ERCC6: variants seen among roughly 807,000 people sequenced by gnomAD.
ERCC6 encodes ERCC excision repair 6, chromatin remodeling factor, also known as DNA excision repair protein ERCC-6.
A neutral mutation model predicts 158.7 loss-of-function variants in ERCC6; 116 were observed. The observed-to-expected ratio is 0.73, with a 90% CI of 0.63 to 0.85. ERCC6 has a LOEUF of 0.85. ERCC6 is among the 40% of genes least tolerant of loss of function. ERCC6 has a pLI of 0.00. For missense variants in ERCC6, 1,698 were observed against 1,799.4 expected (o/e 0.94, Z 1.02); for synonymous variants, 678 against 659.3 (o/e 1.03, Z -0.43).
chr10:49,494,946 A>G (rs1008318628), intron 7 of ERCC6, among the ~76,000 whole-genome samples: 2 of 152,202 alleles, frequency 1.3e-5, no homozygotes, highest in African/African-American at 4.8e-5. Context: ...TAGGTGTACC[A>G]TACATTTGTG....
At chr10:49,525,246 A>G (rs138444551) in intron 4 of ERCC6, 1,943 of 185,184 alleles carry the variant, frequency 0.01, 41 homozygotes, top group African/African-American at 0.044. Flanking sequence ...AAAAACATAA[A>G]TGTCAGCTCT....
In ERCC6 at chr10:49,505,980, T is replaced by C. The variant is rs1418941816; in HGVS notation, c.1430A>G (p.Glu477Gly). Residue 477 changes from glutamate to glycine, a missense_variant, in exon 6 of 21, where the codon GAG becomes GGG. Physicochemically the swap from Glu to Gly is moderately conservative, Grantham distance 98. Transcript: ENST00000355832. ...ATCGTCCTCCAGCTTCAGACGTTTC[T>C]CTTTGTCCTGCAGTCTCAGTTTATT... ...RWNKLRLQDKEKRLKLEDDSE... is the reference protein window; with the variant it reads ...RWNKLRLQDKGKRLKLEDDSE... The C allele has an allele frequency of 1.2e-6, 2 of 1,613,498 alleles. No homozygotes were observed. Among genetic ancestry groups the C allele is most frequent in the East Asian group, 4.5e-5 (2 of 44,862 alleles).
chr10:49,451,880 G>A (rs1292776417), downstream of ERCC6, among the ~76,000 whole-genome samples: 1 of 152,094 alleles, frequency 6.6e-6, no homozygotes, highest in Non-Finnish European at 1.5e-5. Flanking sequence ...TTCTTTGTGG[G>A]CAATTTTCTG....
At chr10:49,536,935 A>G (rs1176757191) in intron 1 of ERCC6, among the ~76,000 whole-genome samples, 4 of 152,226 alleles carry the variant, frequency 2.6e-5, no homozygotes, top group South Asian at 4.1e-4. Flanking sequence ...TGGAAATGGG[A>G]GAAAGGGTTC....
chr10:49,497,563 T>C (rs894557007), intron 7 of ERCC6, among the ~76,000 whole-genome samples: 2 of 152,192 alleles, frequency 1.3e-5, no homozygotes, highest in African/African-American at 4.8e-5. Flanking sequence ...TCCCCCTTAG[T>C]AGAAAAAATT....
chr10:49,445,411 C>A, the ERCC6 span, among the ~76,000 whole-genome samples: 8 of 152,168 alleles, frequency 5.3e-5, no homozygotes, highest in African/African-American at 1.9e-4. Context: ...TGTAGATGAT[C>A]TTTGGTATAT....
intron 5 of ERCC6, chr10:49,506,570 C>G (rs1305511753): frequency 6.5e-6 from 1 of 153,114 alleles, no homozygotes; most frequent in Non-Finnish European, 1.5e-5. Context: ...TATACAAGCA[C>G]TGATAGTGCT....
chr10:49,513,455 C>A (rs369352007), intron 5 of ERCC6, among the ~76,000 whole-genome samples: 2 of 152,208 alleles, frequency 1.3e-5, no homozygotes, highest in Non-Finnish European at 1.5e-5. Flanking sequence ...TCTTTACAAC[C>A]TAATAAGGGA....
chr10:49,484,951 A>G (rs1851051487), intron 8 of ERCC6, among the ~76,000 whole-genome samples: 1 of 152,242 alleles, frequency 6.6e-6, no homozygotes, highest in Non-Finnish European at 1.5e-5. Context: ...ATCAATCCAA[A>G]CTAGCAGTCA....
rs758196824 is a variant in ERCC6, at chr10:49,516,292, G to T, written c.1397+7741C>A. The T allele has an allele frequency of 1.9e-6, 3 of 1,613,958 alleles. No individual in the cohort carries two copies. The Admixed American group carries it at 5.0e-5, about 27-fold the overall frequency. ...TTGCACCCGTGACGACCAAAATAAG[G>T]AACCATGAATTCATCAAAGCTGAAA... On this transcript the variant is annotated intron_variant, in intron 5 of 20. Transcript: ENST00000355832.
chr10:49,525,038 A>G (rs1837279876), intron 4 of ERCC6: 4 of 721,906 alleles, frequency 5.5e-6, no homozygotes, highest in Admixed American at 6.4e-5. Context: ...ACTCTCTGCC[A>G]TCCAAAGATA....
the ERCC6 span, among the ~76,000 whole-genome samples, chr10:49,446,333 C>G: frequency 6.6e-6 from 1 of 151,610 alleles, no homozygotes; most frequent in African/African-American, 2.4e-5. Context: ...CCAGCCAGTG[C>G]AGTAATCTGA....
Position 49,505,934 on chromosome 10 carries a change from T to C in ERCC6, c.1476A>G (p.Glu492=). The change falls in exon 6 of 21, where the codon GAA becomes GAG. Residue 492 remains glutamate (E), a synonymous_variant. Transcript: ENST00000355832. ...CTGGCACTTTAAAACCTTCGTCAAATTCAGCATCACTTTCCTCAGAATCGT... is the reference window on the plus strand; with the variant it reads ...CTGGCACTTTAAAACCTTCGTCAAACTCAGCATCACTTTCCTCAGAATCGT... ...LEDDSEESDA[E]FDEGFKVPGF... 1.2e-6 allele frequency: 2 copies of C among 1,613,516 alleles called. No individual in the cohort carries two copies. The highest frequency in any genetic ancestry group is 1.1e-5 in the South Asian group (1 of 91,072).
chr10:49,509,139 G>A (rs1243428576), intron 5 of ERCC6, among the ~76,000 whole-genome samples: 1 of 152,106 alleles, frequency 6.6e-6, no homozygotes, highest in Non-Finnish European at 1.5e-5. Flanking sequence ...CAGCATCTAA[G>A]TTTCCTCCAC....
At chr10:49,499,488 T>G (rs1005715931) in intron 7 of ERCC6, among the ~76,000 whole-genome samples, 1 of 152,202 alleles carries the variant, frequency 6.6e-6, no homozygotes, top group Non-Finnish European at 1.5e-5. Flanking sequence ...AGTTGCTGAC[T>G]TCAGGCACAC....
At chr10:49,478,022 G>A in intron 11 of ERCC6, among the ~76,000 whole-genome samples, 1 of 152,178 alleles carries the variant, frequency 6.6e-6, no homozygotes, top group East Asian at 1.9e-4. Flanking sequence ...AACAAAACTT[G>A]CTTTGTTCAC....
At chr10:49,516,847 C>T in intron 5 of ERCC6, 2 of 1,614,192 alleles carry the variant, frequency 1.2e-6, no homozygotes, top group South Asian at 1.1e-5. Context: ...GTAGATGGAA[C>T]TTCATCAGGA....
intron 18 of ERCC6, among the ~76,000 whole-genome samples, chr10:49,461,851 C>A (rs970981189): frequency 6.6e-6 from 1 of 152,016 alleles, no homozygotes; most frequent in Non-Finnish European, 1.5e-5. Context: ...AGGAATAAAC[C>A]CAAGCAATGT....
At position 49,458,517 on chromosome 10, in the gene ERCC6, T is replaced by G; in HGVS notation, c.*298A>C. 1 of 357,594 alleles carries G rather than the reference T, an allele frequency of 2.8e-6. No individual in the cohort carries two copies. Among genetic ancestry groups the G allele is most frequent in the Non-Finnish European group, 5.2e-6 (1 of 192,198 alleles). 22.2% of individuals were successfully genotyped at this position (357,594 alleles called of 1,614,324 possible). A position where few individuals can be genotyped will look rare whatever the true frequency, so the allele number is the denominator to read the frequency against. The stretch of plus-strand genomic sequence containing the variant: ...GTGCTCCCTGACAGCATCTTTTGGG[T>G]AAAGGAACAAATGTGCTCCAAGGAG... On this transcript the variant is annotated 3_prime_UTR_variant, in exon 21 of 21. Transcript: ENST00000355832.
Sources: gnomAD v4.1 joint callset for allele counts (sites outside exome capture counted in the v4.1 genomes callset) on GRCh38, gnomAD v4.1.1 for gene constraint, MANE v1.5 for transcripts, NCBI Gene and HGNC (gene_info 2026-07-23, HGNC 2026-07-21) for gene names.